The following GARS1 variants were observed in gnomAD, a reference collection of about 807,000 sequenced individuals.
The protein encoded by GARS1 is glycine--tRNA ligase.
GARS1 carries 46 observed loss-of-function variants against 86.4 expected under a neutral mutation model. The ratio of observed to expected loss-of-function variants is 0.53; its 90% CI spans 0.42 to 0.68. GARS1 has a LOEUF of 0.68. Ranked by LOEUF, GARS1 falls within the 30% of genes least tolerant of loss-of-function variation. GARS1 has a pLI of 0.00. For missense variants in GARS1, 797 were observed against 915.6 expected, an observed-to-expected ratio of 0.87 and a Z score of 1.67; for synonymous variants, 342 against 329.8, an observed-to-expected ratio of 1.04 and a Z score of -0.40.
chr7:30,602,891 G>A (rs1211848835), intron 4 of GARS1, 143 bp from the exon 5 acceptor site: 1 of 711,914 alleles, frequency 1.4e-6, no homozygotes, highest in Non-Finnish European at 2.6e-6. Flanking sequence ...ATCCATTACT[G>A]TCATGGATAC....
chr7:30,615,951 C>A lies in GARS1; in HGVS notation c.1087C>A (p.Pro363Thr), dbSNP rs267601479. Residue 363 changes from proline (P) to threonine (T), a missense_variant, in exon 9 of 17, where the codon CCC (proline) becomes ACC (threonine). Pro to Thr is a conservative substitution (Grantham distance 38). Around this residue, in one of 2 missense-constraint regions of GARS1, gnomAD observed 598 missense variants for 738.7 expected, o/e 0.81. Coordinates refer to ENST00000389266, the MANE Select transcript of GARS1 (RefSeq NM_002047.4). ...HFVDPSEKDH[P>T]KFQNVADLHL... ...TGTAGATCCCAGTGAGAAAGACCACCCCAAGTTCCAGAATGTGGCAGACCT... is the reference window on the plus strand; with the variant it reads ...TGTAGATCCCAGTGAGAAAGACCACACCAAGTTCCAGAATGTGGCAGACCT... The A allele has an allele frequency of 2.5e-6, 4 of 1,614,112 alleles. No individual in the cohort carries two copies. Among genetic ancestry groups the A allele is most frequent in the Non-Finnish European group, 3.4e-6 (4 of 1,180,004 alleles).
At chr7:30,612,466 G>A (rs1271745003) in intron 8 of GARS1, among the ~76,000 whole-genome samples, 4 of 152,064 alleles carry the variant, frequency 2.6e-5, no homozygotes, top group Non-Finnish European at 5.9e-5. Flanking sequence ...AAGGAAGGAG[G>A]GTGGAGACTG....
At position 30,626,310 on chromosome 7, in the gene GARS1, A is replaced by G; in HGVS notation, c.1690A>G (p.Thr564Ala). ...GATCAATGTGAAGAGATTCCAGAAA[A>G]CACTATATGGTAAATTTGTAAAAAT... Reference protein sequence around the residue: ...DMINVKRFQKTLYVEEVVPNV... With the variant: ...DMINVKRFQKALYVEEVVPNV... The change falls in exon 13 of 17, where the codon ACA becomes GCA. Residue 564 changes from threonine to alanine, a missense_variant. Physicochemically the swap from Thr to Ala is moderately conservative, Grantham distance 58 (BLOSUM62 0). Coordinates refer to ENST00000389266, the MANE Select transcript of GARS1 (RefSeq NM_002047.4). 2 of 1,565,434 alleles carry G rather than the reference A, an allele frequency of 1.3e-6. No homozygotes were observed. The highest frequency in any genetic ancestry group is 1.8e-6 in the Non-Finnish European group (2 of 1,135,942).
At chr7:30,618,721 A>G (rs1471562054) in intron 10 of GARS1, among the ~76,000 whole-genome samples, 1 of 152,234 alleles carries the variant, frequency 6.6e-6, no homozygotes, top group Non-Finnish European at 1.5e-5. Context: ...GTGTTCTAAC[A>G]CATGCATGCA....
chr7:30,622,586 T>G lies in GARS1; in HGVS notation c.1613+124T>G. ...GTAAGTACTGTATCTTGGCTGCATTTAAAAGACTGTCTTTGCCGAGATTTT... is the reference window on the plus strand; with the variant it reads ...GTAAGTACTGTATCTTGGCTGCATTGAAAAGACTGTCTTTGCCGAGATTTT... On this transcript the variant is annotated intron_variant, in intron 12 of 16. Coordinates refer to ENST00000389266, the MANE Select transcript of GARS1 (RefSeq NM_002047.4). 4 of 1,108,690 alleles carry G rather than the reference T, an allele frequency of 3.6e-6. 1 individual carries two copies. Among genetic ancestry groups the G allele is most frequent in the Non-Finnish European group, 5.5e-6 (4 of 732,902 alleles). The allele number at this position is 1,108,690 out of a possible 1,614,324, so 68.7% of individuals were successfully genotyped here. A position where few individuals can be genotyped will look rare whatever the true frequency, so the allele number is the denominator to read the frequency against.
rs1317741671 is a variant in GARS1, at chr7:30,601,053, C to A, written c.428-6C>A. The A allele has an allele frequency of 6.2e-7, 1 of 1,613,626 alleles. No homozygotes were observed. The highest frequency in any genetic ancestry group is 1.3e-5 in the African/African-American group (1 of 75,012). ...AAAGTATGTGTTTTCCTCTCATATT[C>A]TATAGGTGTTAGTGGTCTGTATGAC... On this transcript the variant is annotated splice_polypyrimidine_tract_variant and splice_region_variant and intron_variant, in intron 3 of 16. Transcript: ENST00000389266.
chr7:30,616,128 G>T, intron 9 of GARS1, 70 bp downstream of exon 9: 1 of 1,496,526 alleles, frequency 6.7e-7, no homozygotes. Flanking sequence ...CAAATTCTAT[G>T]TGTTCTGGGT....
chr7:30,594,741 G>C, upstream of GARS1: 1 of 603,018 alleles, frequency 1.7e-6, no homozygotes, highest in South Asian at 2.0e-5. Flanking sequence ...AACCTTCGGC[G>C]GGGTCCTTCC....
intron 14 of GARS1, among the ~76,000 whole-genome samples, chr7:30,630,590 A>T (rs558673373): frequency 6.8e-6 from 1 of 148,020 alleles, no homozygotes; most frequent in Non-Finnish European, 1.5e-5. Context: ...AGCTGACTAC[A>T]GCCTCAAACT....
intron 14 of GARS1, chr7:30,631,109 A>G (rs570068881): frequency 1.0e-5 from 3 of 294,056 alleles, no homozygotes; most frequent in Non-Finnish European, 2.0e-5. Context: ...TCTTTTATAT[A>G]CAGTAGCTTT....
chr7:30,624,890 AAC>A (rs1426695548), intron 12 of GARS1, among the ~76,000 whole-genome samples: 1 of 152,262 alleles, frequency 6.6e-6, no homozygotes, highest in Non-Finnish European at 1.5e-5. Context: ...ATTATCCATA[AAC>A]ACAGTTTGCT....
intron 8 of GARS1, among the ~76,000 whole-genome samples, chr7:30,613,303 G>C (rs1445777266): frequency 6.6e-6 from 1 of 152,220 alleles, no homozygotes; most frequent in African/African-American, 2.4e-5. Context: ...ACCCCTCTGA[G>C]CTTTCATGTA....
At chr7:30,602,271 A>G (rs1791395338) in intron 4 of GARS1, among the ~76,000 whole-genome samples, 1 of 148,764 alleles carries the variant, frequency 6.7e-6, no homozygotes, top group South Asian at 2.1e-4. Context: ...TTGTATTTTT[A>G]GTAGAGACGG....
intron 6 of GARS1, among the ~76,000 whole-genome samples, chr7:30,605,315 CTCTG>C (rs1279951834): frequency 3.9e-5 from 6 of 152,232 alleles, no homozygotes; most frequent in South Asian, 2.1e-4. Context: ...TGTTTCTCTT[CTCTG>C]TCTGTTTTTG....
At chr7:30,610,346 G>A (rs1791573651) in intron 7 of GARS1, among the ~76,000 whole-genome samples, 1 of 152,232 alleles carries the variant, frequency 6.6e-6, no homozygotes, top group Non-Finnish European at 1.5e-5. Flanking sequence ...TTAGTTTACA[G>A]TATGATTCAG....
intron 13 of GARS1, among the ~76,000 whole-genome samples, chr7:30,627,648 C>CT (rs1783153106): frequency 6.6e-6 from 1 of 152,184 alleles, no homozygotes; most frequent in Non-Finnish European, 1.5e-5. Context: ...CTGTGAGCCC[C>CT]TGTAAGATGT....
At chr7:30,596,734 C>A (rs1376102463) in intron 1 of GARS1, among the ~76,000 whole-genome samples, 1 of 152,022 alleles carries the variant, frequency 6.6e-6, no homozygotes, top group Non-Finnish European at 1.5e-5. Context: ...ATATTTTTTT[C>A]TAATTTTCCA....
intron 13 of GARS1, chr7:30,627,205 C>T (rs114371943): frequency 8.1e-6 from 3 of 368,160 alleles, no homozygotes; most frequent in Non-Finnish European, 1.6e-5. Context: ...GCATACCTTT[C>T]CTTTTGTTCT....
At chr7:30,628,397 C>G (rs1783168334) in intron 13 of GARS1, 163 bp from the exon 14 acceptor site, 1 of 536,286 alleles carries the variant, frequency 1.9e-6, no homozygotes, top group African/African-American at 1.9e-5. Context: ...GTTGGTCAGG[C>G]TGGTCTCGAA....
Sources: gnomAD v4.1 joint callset for allele counts (sites outside exome capture counted in the v4.1 genomes callset) on GRCh38, gnomAD v4.1.1 for gene constraint, gnomAD v4.1.1 regional missense constraint, MANE v1.5 for transcripts, NCBI Gene and HGNC (gene_info 2026-07-23, HGNC 2026-07-21) for gene names.